The following FAM83E variants were observed in gnomAD, a reference collection of about 807,000 sequenced individuals.
FAM83E encodes the protein scaffolding CK1 anchoring protein E.
In FAM83E, 29 loss-of-function variants were observed where a neutral mutation model predicts 34.3. That is an observed-to-expected ratio of 0.85 (90% confidence interval 0.63 to 1.15). FAM83E has a LOEUF of 1.15. Ranked by LOEUF, FAM83E falls within the 50% of genes most tolerant of loss-of-function variation. The pLI, the probability that FAM83E is intolerant of heterozygous loss-of-function variation, is 0.00. For missense variants in FAM83E, 697 were observed against 685.0 expected (o/e 1.02, Z -0.20); for synonymous variants, 312 against 311.6 (o/e 1.00, Z -0.01).
At chr19:48,609,021 C>T (rs754583688) in intron 5 of FAM83E, among the ~76,000 whole-genome samples, 25 of 152,014 alleles carry the variant, frequency 1.6e-4, no homozygotes, top group Non-Finnish European at 2.8e-4. Context: ...CCAGCCCGAG[C>T]GTGGGTGCCA....
chr19:48,606,189 C>A (rs951905461), intron 5 of FAM83E, among the ~76,000 whole-genome samples: 81 of 152,114 alleles, frequency 5.3e-4, no homozygotes, highest in Admixed American at 1.1e-3. Context: ...CATGCGCCTG[C>A]AGTCCCAGCC....
chr19:48,610,422 A>AAG (rs1568421072), intron 4 of FAM83E, among the ~76,000 whole-genome samples: 6 of 151,246 alleles, frequency 4.0e-5, no homozygotes, highest in African/African-American at 1.2e-4. Flanking sequence ...AAAAAAAAAA[A>AAG]AAGAAGTATC....
At position 48,614,685 on chromosome 19, in the gene FAM83E, TCCC is replaced by T. The variant is rs962850624; in HGVS notation, c.-1256+20_-1256+22del. 16 of 251,618 alleles carry T rather than the reference TCCC, an allele frequency of 6.4e-5. No homozygotes were observed. Among genetic ancestry groups the T allele is most frequent in the East Asian group, 2.5e-4 (1 of 4,036 alleles). 15.6% of individuals were successfully genotyped at this position (251,618 alleles called of 1,614,324 possible). ...AGCCTCCCCGCCCCACCCTCACCCA[TCCC>T]CCCCATCGCCGGGGCTCACCCACAC... On this transcript the variant is annotated intron_variant, in intron 2 of 6. Coordinates refer to ENST00000263266, the MANE Select transcript of FAM83E (RefSeq NM_017708.4).
rs1974098147 is a variant in FAM83E at position 48,614,007 on chromosome 19, G to A, written c.-635C>T. On this transcript the variant is annotated 5_prime_UTR_variant, in exon 3 of 7. Coordinates refer to ENST00000263266, the MANE Select transcript of FAM83E (RefSeq NM_017708.4). ...TGACAGTCACAGTATCTGCCTGTTGGAGCATCTGTCTCTGGCCAAATCTGA... is the reference window on the plus strand; with the variant it reads ...TGACAGTCACAGTATCTGCCTGTTGAAGCATCTGTCTCTGGCCAAATCTGA... 5.1e-6 allele frequency: 5 copies of A among 985,398 alleles called. No individual in the cohort carries two copies. The highest frequency in any genetic ancestry group is 9.4e-5 in the South Asian group (2 of 21,290). 61.0% of individuals were successfully genotyped at this position (985,398 alleles called of 1,614,324 possible).
At chr19:48,607,184 C>A in intron 5 of FAM83E, 1 of 1,613,292 alleles carries the variant, frequency 6.2e-7, no homozygotes, top group East Asian at 2.2e-5. Flanking sequence ...CTGCGAGCCA[C>A]CAGCTGCGGC....
In FAM83E at chr19:48,613,902, T is replaced by TTGCC. The variant is rs772083817; in HGVS notation, c.-534_-531dup. 1 of 985,326 alleles carries TTGCC rather than the reference T, an allele frequency of 1.0e-6. No homozygotes were observed. Among genetic ancestry groups the TTGCC allele is most frequent in the African/African-American group, 1.7e-5 (1 of 57,326 alleles). 61.0% of individuals were successfully genotyped at this position (985,326 alleles called of 1,614,324 possible). ...CAAAGGTCCTTAAAGGCACGACAGG[T>TTGCC]TGCCTGCCTGCCCCCGGCCAAGAGC... is the stretch of plus-strand genomic sequence containing the variant. On this transcript the variant is annotated 5_prime_UTR_variant, in exon 3 of 7. It removes the in-frame stop codon of an upstream open reading frame in the 5' UTR. Coordinates refer to ENST00000263266, the MANE Select transcript of FAM83E (RefSeq NM_017708.4).
intron 5 of FAM83E, chr19:48,607,083 T>G: frequency 6.2e-7 from 1 of 1,613,312 alleles, no homozygotes; most frequent in South Asian, 1.1e-5. Context: ...TGCAGTGTCC[T>G]GGTACCTACA....
In FAM83E at chr19:48,610,666, G is replaced by A; in HGVS notation, c.633+14C>T. ...GGAATGGGGACTCACAGGACCCCCT[G>A]GCCCGGCCCCTACCTCCGTGTTCCA... On this transcript the variant is annotated intron_variant, in intron 4 of 6. Coordinates refer to ENST00000263266, the MANE Select transcript of FAM83E (RefSeq NM_017708.4). 1 of 1,556,042 alleles carries A rather than the reference G, an allele frequency of 6.4e-7. No individual in the cohort carries two copies. The highest frequency in any genetic ancestry group is 8.7e-7 in the Non-Finnish European group (1 of 1,149,998).
At position 48,612,982 on chromosome 19, in the gene FAM83E, A is replaced by G; in HGVS notation, c.391T>C (p.Tyr131His). 6.2e-7 allele frequency: 1 copy of G among 1,603,162 alleles called. No homozygotes were observed. ...TGACCCTCTCCAGGAGGCTGGGTGT[A>G]CAGCTGCGCCCGGGTGATGCCTTTC... ...AWKGITRAQL[Y>H]TQPPGEGQPP... is the part of the protein sequence containing the mutation. The change falls in exon 3 of 7, where the codon TAC (tyrosine) becomes CAC (histidine). Residue 131 changes from tyrosine to histidine, a missense_variant. Physicochemically the swap from Tyr to His is moderately conservative, Grantham distance 83 (BLOSUM62 2). Transcript: ENST00000263266.
chr19:48,602,141 C>CAAAAAAAAAAAAAA (rs35272146), intron 6 of FAM83E, among the ~76,000 whole-genome samples: 4 of 41,560 alleles, frequency 9.6e-5, no homozygotes, highest in Non-Finnish European at 1.6e-4. Flanking sequence ...GACCCTATCT[C>CAAAAAAAAAAAAAA]AAAAAAAAAA....
chr19:48,607,581 T>C, intron 5 of FAM83E: 4 of 583,038 alleles, frequency 6.9e-6, no homozygotes, highest in Non-Finnish European at 1.2e-5. Flanking sequence ...ATTACTCTGT[T>C]CCACTGGTTC....
intron 5 of FAM83E, chr19:48,607,347 G>T: frequency 6.3e-7 from 1 of 1,587,022 alleles, no homozygotes. Context: ...CTCCACGTTT[G>T]CTGTGACCAA....
At position 48,601,121 on chromosome 19, in the gene FAM83E, C is replaced by G; in HGVS notation, c.1425G>C (p.Gly475=). Residue 475 remains glycine, a synonymous_variant, in exon 7 of 7, where the codon GGG becomes GGC. Transcript: ENST00000263266. ...PSDWAPRAGL[G]GQP is the part of the protein sequence containing the mutation. ...CTTGGGCTCCTGTTCAGGGTTGCCC[C>G]CCAAGTCCTGCCCGGGGGGCCCAGT... 1 of 1,611,746 alleles carries G rather than the reference C, an allele frequency of 6.2e-7. No individual in the cohort carries two copies.
intron 5 of FAM83E, among the ~76,000 whole-genome samples, chr19:48,609,152 G>C (rs1297030886): frequency 6.6e-6 from 1 of 151,940 alleles, no homozygotes; most frequent in African/African-American, 2.4e-5. Context: ...GGAACTGAGA[G>C]AGCTAGAATT....
intron 6 of FAM83E, among the ~76,000 whole-genome samples, chr19:48,602,711 A>AAAAAAAT (rs1973847042): frequency 5.7e-5 from 1 of 17,558 alleles, no homozygotes; most frequent in African/African-American, 2.6e-4. Context: ...AAAAATATAT[A>AAAAAAAT]TATATATATA....
Position 48,601,894 on chromosome 19 carries a change from T to A in FAM83E, c.1177-525A>T, listed in dbSNP as rs552856004. ...CGGACGCGGTGGCTCACACCAGTAA[T>A]CCCAGCACTTTGGGAGGTGGGAGGA... On this transcript the variant is annotated intron_variant, in intron 6 of 6. Coordinates refer to ENST00000263266, the MANE Select transcript of FAM83E (RefSeq NM_017708.4). Among the ~76,000 whole-genome samples the A allele has an allele frequency of 1.5e-4, 23 of 150,828 alleles. No individual in the cohort carries two copies. In the East Asian group the frequency reaches 3.6e-3, roughly 24 times the overall value.
At chr19:48,611,733 G>A (rs181311469) in intron 3 of FAM83E, among the ~76,000 whole-genome samples, 1 of 152,326 alleles carries the variant, frequency 6.6e-6, no homozygotes, top group Admixed American at 6.5e-5. Flanking sequence ...CTCCCAAAGT[G>A]CTGGGATTAC....
chr19:48,612,825 C>T, intron 3 of FAM83E, 83 bp downstream of exon 3: 2 of 1,430,188 alleles, frequency 1.4e-6, no homozygotes, highest in Non-Finnish European at 1.9e-6. Flanking sequence ...TGTGCGCTTG[C>T]AAGTCCCAGG....
chr19:48,607,965 C>G (rs145994328), intron 5 of FAM83E, among the ~76,000 whole-genome samples: 1 of 152,156 alleles, frequency 6.6e-6, no homozygotes, highest in Non-Finnish European at 1.5e-5. Context: ...TTCAAACATC[C>G]TGGTCTCAAC....
Sources: gnomAD v4.1 joint callset for allele counts (sites outside exome capture counted in the v4.1 genomes callset) on GRCh38, gnomAD v4.1.1 for gene constraint, MANE v1.5 for transcripts, NCBI Gene and HGNC (gene_info 2026-07-23, HGNC 2026-07-21) for gene names.